ARHGAP24: variants seen among roughly 807,000 people sequenced by gnomAD.
ARHGAP24 encodes Rho GTPase activating protein 24.
Under a neutral mutation model 76.4 loss-of-function variants are expected in ARHGAP24, and 50 were observed. The observed-to-expected ratio is 0.65, with a 90% CI of 0.52 to 0.83. The LOEUF (loss-of-function observed/expected upper bound fraction) is 0.83, where lower values mean the gene tolerates loss of function less well. Among genes scored for constraint, ARHGAP24 ranks in the 40% least tolerant of loss-of-function variants. The pLI, the probability that ARHGAP24 is intolerant of heterozygous loss-of-function variation, is 0.00. For synonymous variants in ARHGAP24, 345 were observed against 323.3 expected, an observed-to-expected ratio of 1.07 and a Z score of -0.72; for missense variants, 930 against 914.2, an observed-to-expected ratio of 1.02 and a Z score of -0.22.
Position 85,624,728 on chromosome 4 carries a change from T to C in ARHGAP24, c.180+54007T>C, listed in dbSNP as rs543441637. The stretch of plus-strand genomic sequence containing the variant: ...TGGACTTTTTTTGGTTGGTAAGCTA[T>C]TGATTATTGCCACAATTTCAGAGCC... On this transcript the variant is annotated intron_variant, in intron 2 of 9. Coordinates refer to ENST00000395184, the MANE Select transcript of ARHGAP24 (RefSeq NM_001025616.3). 6.6e-5 allele frequency among the ~76,000 whole-genome samples: 10 copies of C among 152,314 alleles called. No individual in the cohort carries two copies. The South Asian group carries it at 1.7e-3, about 25-fold the overall frequency.
At chr4:85,694,601 GA>G (rs1241656212) in intron 2 of ARHGAP24, among the ~76,000 whole-genome samples, 6 of 151,746 alleles carry the variant, frequency 4.0e-5, no homozygotes, top group South Asian at 2.1e-4. Flanking sequence ...CAAACATGGA[GA>G]AAAAAAAGCT....
intron 3 of ARHGAP24, among the ~76,000 whole-genome samples, chr4:85,749,268 T>A (rs1726163342): frequency 6.6e-6 from 1 of 152,232 alleles, no homozygotes; most frequent in South Asian, 2.1e-4. Flanking sequence ...TTCAAATAGT[T>A]GCTTCTTAGT....
intron 3 of ARHGAP24, among the ~76,000 whole-genome samples, chr4:85,736,373 A>G (rs533322232): frequency 1.3e-5 from 2 of 151,668 alleles, no homozygotes; most frequent in African/African-American, 4.9e-5. Context: ...TTGTTGAACA[A>G]AAGAAAGAAA....
chr4:85,601,912 A>G (rs542950235), intron 2 of ARHGAP24, among the ~76,000 whole-genome samples: 5 of 152,254 alleles, frequency 3.3e-5, no homozygotes, highest in South Asian at 4.1e-4. Flanking sequence ...TATGAATCCA[A>G]CTTTCCACAG....
At chr4:85,587,915 G>C (rs1727926627) in intron 2 of ARHGAP24, among the ~76,000 whole-genome samples, 1 of 152,184 alleles carries the variant, frequency 6.6e-6, no homozygotes, top group Non-Finnish European at 1.5e-5. Flanking sequence ...GAGGAAAATA[G>C]AGAACTAGAC....
intron 2 of ARHGAP24, among the ~76,000 whole-genome samples, chr4:85,645,151 A>G (rs976500683): frequency 1.3e-5 from 2 of 152,140 alleles, no homozygotes; most frequent in African/African-American, 2.4e-5. Context: ...TTGTAGCTTA[A>G]GATAAAAATT....
chr4:85,771,909 A>G (rs979496954), intron 3 of ARHGAP24, among the ~76,000 whole-genome samples: 1 of 152,020 alleles, frequency 6.6e-6, no homozygotes, highest in Non-Finnish European at 1.5e-5. Context: ...GGGTTTCATT[A>G]TGTTGACCAG....
chr4:85,836,372 G>A (rs1730292531), intron 3 of ARHGAP24, among the ~76,000 whole-genome samples: 1 of 152,126 alleles, frequency 6.6e-6, no homozygotes, highest in African/African-American at 2.4e-5. Context: ...TAAAATCAAG[G>A]TGTTAGCAGG....
At chr4:85,558,210 C>T (rs990118798) in intron 1 of ARHGAP24, among the ~76,000 whole-genome samples, 1 of 152,252 alleles carries the variant, frequency 6.6e-6, no homozygotes, top group Admixed American at 6.5e-5. Context: ...GGGATGGTGG[C>T]ATCAACGAGA....
At chr4:85,484,491 TCTC>T (rs754186906) in intron 1 of ARHGAP24, among the ~76,000 whole-genome samples, 24 of 152,194 alleles carry the variant, frequency 1.6e-4, no homozygotes, top group Non-Finnish European at 2.9e-4. Context: ...AGAATTGTTT[TCTC>T]CTCAAAGAAA....
At chr4:85,840,006 T>A (rs1426023952) in intron 3 of ARHGAP24, among the ~76,000 whole-genome samples, 4 of 144,616 alleles carry the variant, frequency 2.8e-5, no homozygotes, top group Admixed American at 7.2e-5. Flanking sequence ...TGTGCCACCA[T>A]GCCTGGCTAA....
chr4:85,812,958 A>T (rs1446756414), intron 3 of ARHGAP24, among the ~76,000 whole-genome samples: 1 of 152,166 alleles, frequency 6.6e-6, no homozygotes, highest in Admixed American at 6.5e-5. Context: ...GTTACCTAGG[A>T]GACTCTTCTA....
intron 1 of ARHGAP24, among the ~76,000 whole-genome samples, chr4:85,478,726 T>C (rs1722698479): frequency 6.6e-6 from 1 of 152,212 alleles, no homozygotes. Context: ...TTCTGATCTC[T>C]GGTTCATGGA....
intron 1 of ARHGAP24, among the ~76,000 whole-genome samples, chr4:85,508,423 G>A (rs543822743): frequency 1.1e-3 from 164 of 152,222 alleles, no homozygotes; most frequent in African/African-American, 3.8e-3. Flanking sequence ...AAAGTTACAG[G>A]AGTGATCTTC....
intron 1 of ARHGAP24, among the ~76,000 whole-genome samples, chr4:85,495,341 ATTTTTTTTTTTTT>A (rs35138716): frequency 1.9e-5 from 1 of 53,114 alleles, no homozygotes; most frequent in East Asian, 8.2e-4. Context: ...GAAGTACAGA[ATTTTTTTTTTTTT>A]TTTTTTTTTT....
At chr4:85,616,564 G>A (rs1720543924) in intron 2 of ARHGAP24, among the ~76,000 whole-genome samples, 1 of 152,108 alleles carries the variant, frequency 6.6e-6, no homozygotes, top group African/African-American at 2.4e-5. Flanking sequence ...TTGTGTGTGT[G>A]TGTATATTTT....
intron 1 of ARHGAP24, among the ~76,000 whole-genome samples, chr4:85,518,589 T>G (rs1217288863): frequency 2.0e-5 from 3 of 152,128 alleles, no homozygotes; most frequent in Admixed American, 2.0e-4. Context: ...ATAGCTTAGC[T>G]CCCACATATC....
chr4:85,638,901 A>C (rs760048573), intron 2 of ARHGAP24, among the ~76,000 whole-genome samples: 1 of 152,192 alleles, frequency 6.6e-6, no homozygotes, highest in Admixed American at 6.5e-5. Context: ...TTCTTTAAGC[A>C]TTAACTTAGT....
intron 9 of ARHGAP24, among the ~76,000 whole-genome samples, chr4:85,997,170 G>A (rs916530288): frequency 6.6e-6 from 1 of 151,994 alleles, no homozygotes; most frequent in Non-Finnish European, 1.5e-5. Flanking sequence ...AACTGTTCTG[G>A]CTAAATTTTG....
Sources: allele counts gnomAD v4.1 joint callset (sites outside exome capture counted in the v4.1 genomes callset), GRCh38; gene constraint gnomAD v4.1.1; transcripts MANE v1.5; gene names NCBI Gene and HGNC (gene_info 2026-07-23, HGNC 2026-07-21).